Variants in CNTNAP5 observed in about 807,000 individuals in gnomAD.
CNTNAP5 encodes the protein contactin-associated protein-like 5.
A neutral mutation model predicts 150.2 loss-of-function variants in CNTNAP5; 72 were observed. The observed-to-expected ratio is 0.48, with a 90% CI of 0.40 to 0.58. CNTNAP5 has a LOEUF of 0.58. Among genes scored for constraint, CNTNAP5 ranks in the 20% least tolerant of loss-of-function variants. The pLI is 0.00. For missense variants in CNTNAP5, 1,636 were observed against 1,626.2 expected (o/e 1.01, Z -0.10); for synonymous variants, 672 against 619.8 (o/e 1.08, Z -1.25).
chr2:124,856,264 A>C (rs1038398209), intron 19 of CNTNAP5, among the ~76,000 whole-genome samples: 1 of 152,208 alleles, frequency 6.6e-6, no homozygotes, highest in Admixed American at 6.5e-5. Flanking sequence ...GGCTGGTTCC[A>C]TATTTTTGCA....
At chr2:124,434,878 G>A (rs984931979) in intron 5 of CNTNAP5, among the ~76,000 whole-genome samples, 191 bp downstream of exon 5, 1 of 152,204 alleles carries the variant, frequency 6.6e-6, no homozygotes, top group African/African-American at 2.4e-5. Context: ...CATGTAGGGA[G>A]AGTTGCAAAC....
At chr2:124,214,683 G>A (rs569782616) in intron 1 of CNTNAP5, among the ~76,000 whole-genome samples, 2 of 152,306 alleles carry the variant, frequency 1.3e-5, no homozygotes, top group South Asian at 4.1e-4. Flanking sequence ...TCTTTTGCAT[G>A]TAATTGCTCA....
At chr2:124,172,736 A>T (rs1244504345) in intron 1 of CNTNAP5, among the ~76,000 whole-genome samples, 1 of 150,792 alleles carries the variant, frequency 6.6e-6, no homozygotes, top group Non-Finnish European at 1.5e-5. Flanking sequence ...TTACTTTGGT[A>T]TGTTTGTAAA....
intron 1 of CNTNAP5, among the ~76,000 whole-genome samples, chr2:124,169,544 A>G (rs1483960505): frequency 1.3e-5 from 2 of 152,180 alleles, no homozygotes; most frequent in African/African-American, 4.8e-5. Flanking sequence ...TGCTGGACAA[A>G]ATGTGATTCA....
chr2:124,319,262 T>C (rs114391181), intron 3 of CNTNAP5, among the ~76,000 whole-genome samples: 1,900 of 152,308 alleles, frequency 0.012, 40 homozygotes, highest in African/African-American at 0.041. Context: ...CAGATGGCAG[T>C]TCTTCACTTT....
intron 12 of CNTNAP5, among the ~76,000 whole-genome samples, chr2:124,616,069 G>A (rs985461413): frequency 6.6e-6 from 1 of 152,174 alleles, no homozygotes; most frequent in African/African-American, 2.4e-5. Context: ...TACAGGCAGA[G>A]TAGATTTAGC....
At chr2:124,104,926 G>A (rs1441072205) in intron 1 of CNTNAP5, among the ~76,000 whole-genome samples, 1 of 152,018 alleles carries the variant, frequency 6.6e-6, no homozygotes, top group Non-Finnish European at 1.5e-5. Flanking sequence ...TTAGAAATGT[G>A]CATAATCATA....
At chr2:124,677,426 G>C (rs1023771514) in intron 13 of CNTNAP5, among the ~76,000 whole-genome samples, 2 of 152,236 alleles carry the variant, frequency 1.3e-5, no homozygotes, top group Non-Finnish European at 2.9e-5. Flanking sequence ...GACCTGAGCA[G>C]GTTGCTGCTG....
chr2:124,294,631 A>G lies in CNTNAP5; in HGVS notation c.381+52238A>G, dbSNP rs188943375. ...AGATGGGTACAAGAAGGGAATGTAG[A>G]GGTATTTGGAGGCTTATAGGTCTTT... On this transcript the variant is annotated intron_variant, in intron 3 of 23. Coordinates refer to ENST00000682447, the MANE Select transcript of CNTNAP5 (RefSeq NM_001367498.1). Among the ~76,000 whole-genome samples, 896 of 152,286 alleles carry G rather than the reference A, an allele frequency of 5.9e-3. 11 individuals are homozygous for G. The highest frequency in any genetic ancestry group is 4.3e-3 in the Non-Finnish European group (292 of 68,022).
chr2:124,604,418 A>T (rs1697056639), intron 11 of CNTNAP5, among the ~76,000 whole-genome samples: 1 of 152,206 alleles, frequency 6.6e-6, no homozygotes, highest in South Asian at 2.1e-4. Flanking sequence ...TTCAATATCA[A>T]ATATGTTTAA....
chr2:124,889,292 G>A (rs900085825), intron 21 of CNTNAP5, among the ~76,000 whole-genome samples: 1 of 151,562 alleles, frequency 6.6e-6, no homozygotes, highest in African/African-American at 2.4e-5. Context: ...TAGAGACGGG[G>A]TTTCACCATG....
intron 3 of CNTNAP5, among the ~76,000 whole-genome samples, chr2:124,336,628 G>A (rs1488476205): frequency 6.8e-6 from 1 of 148,068 alleles, no homozygotes; most frequent in Non-Finnish European, 1.5e-5. Flanking sequence ...CGCAGTGTTT[G>A]GTTTTTTGTC....
intron 3 of CNTNAP5, among the ~76,000 whole-genome samples, chr2:124,381,974 G>A (rs775849613): frequency 6.6e-6 from 1 of 152,150 alleles, no homozygotes; most frequent in Non-Finnish European, 1.5e-5. Flanking sequence ...AGCAACGAAG[G>A]TAAGCAGGAG....
intron 6 of CNTNAP5, among the ~76,000 whole-genome samples, chr2:124,453,259 A>T (rs996074605): frequency 6.6e-6 from 1 of 152,220 alleles, no homozygotes. Context: ...CAGCAATAGA[A>T]TCAAACCAGT....
intron 16 of CNTNAP5, among the ~76,000 whole-genome samples, chr2:124,770,016 T>C (rs1426529928): frequency 1.3e-5 from 2 of 152,234 alleles, no homozygotes; most frequent in East Asian, 3.8e-4. Context: ...TGAATTTTAC[T>C]GATTCTAGGA....
intron 3 of CNTNAP5, among the ~76,000 whole-genome samples, chr2:124,398,480 C>CTTTATTTA (rs71394036): frequency 0.068 from 10,097 of 147,894 alleles, 385 homozygotes; most frequent in African/African-American, 0.11. Context: ...GAAATTTTTA[C>CTTTATTTA]TTTATTTATT....
intron 13 of CNTNAP5, among the ~76,000 whole-genome samples, chr2:124,701,392 T>C (rs1489220046): frequency 6.6e-6 from 1 of 152,144 alleles, no homozygotes; most frequent in Non-Finnish European, 1.5e-5. Flanking sequence ...TTCCATTGTA[T>C]ATATGTACCT....
intron 3 of CNTNAP5, among the ~76,000 whole-genome samples, chr2:124,403,687 G>A (rs1691489545): frequency 3.3e-5 from 5 of 152,290 alleles, no homozygotes; most frequent in South Asian, 2.1e-4. Flanking sequence ...ATTACAGTCC[G>A]GGTGCCTTGC....
chr2:124,712,744 C>T (rs935172003), intron 13 of CNTNAP5, among the ~76,000 whole-genome samples: 1 of 145,452 alleles, frequency 6.9e-6, no homozygotes, highest in African/African-American at 2.5e-5. Context: ...GCACTCTCAG[C>T]CTTTTTTTTT....
Sources: gnomAD v4.1 joint callset for allele counts (sites outside exome capture counted in the v4.1 genomes callset) on GRCh38, gnomAD v4.1.1 for gene constraint, MANE v1.5 for transcripts, NCBI Gene and HGNC (gene_info 2026-07-23, HGNC 2026-07-21) for gene names.